The following POLA2 variants were observed in gnomAD, a reference collection of about 807,000 sequenced individuals.
POLA2 encodes the protein DNA polymerase alpha 2, accessory subunit, also known as DNA polymerase alpha subunit B.
In POLA2, 47 loss-of-function variants were observed where a neutral mutation model predicts 82.8. That is an observed-to-expected ratio of 0.57 (90% CI 0.45 to 0.72). The LOEUF (loss-of-function observed/expected upper bound fraction) is 0.72. POLA2 is among the 30% of genes least tolerant of loss of function. The probability of loss-of-function intolerance (pLI) is 0.00; values close to 1 mark genes in which losing one functional copy is unlikely to be tolerated. For missense variants in POLA2, 634 were observed against 728.1 expected, an observed-to-expected ratio of 0.87 and a Z score of 1.49; for synonymous variants, 287 against 286.8, an observed-to-expected ratio of 1.00 and a Z score of -0.01.
At position 65,276,015 on chromosome 11, in the gene POLA2, A is replaced by G. The variant is rs926935851; in HGVS notation, c.461+17A>G. On this transcript the variant is annotated intron_variant, in intron 5 of 17. Transcript: ENST00000265465. ...CTCTCCAAGGTATGGATCATAATTC[A>G]TTCAAGTGCCATAAAGCTGGCCTCC... The G allele has an allele frequency of 6.8e-7, 1 of 1,480,402 alleles. No individual in the cohort carries two copies. The highest frequency in any genetic ancestry group is 9.3e-7 in the Non-Finnish European group (1 of 1,075,348). The allele number at this position is 1,480,402 out of a possible 1,614,324, so 91.7% of individuals were successfully genotyped here.
At position 65,295,871 on chromosome 11, in the gene POLA2, C is replaced by T; in HGVS notation, c.1528C>T (p.Pro510Ser). The T allele has an allele frequency of 6.2e-7, 1 of 1,611,550 alleles. No homozygotes were observed. Among genetic ancestry groups the T allele is most frequent in the Non-Finnish European group, 8.5e-7 (1 of 1,177,824 alleles). ...TTCTCTCTGTCTCTGTAGCTACTACCCACTCTACCCGCCCCAAGAAGACAT... is the reference window on the plus strand; with the variant it reads ...TTCTCTCTGTCTCTGTAGCTACTACTCACTCTACCCGCCCCAAGAAGACAT... ...KHILTQRSYYPLYPPQEDMAI... is the reference protein window; with the variant it reads ...KHILTQRSYYSLYPPQEDMAI... Residue 510 changes from proline (P) to serine (S), a missense_variant, in exon 17 of 18, where the codon CCA becomes TCA. By Grantham distance (74) the Pro-to-Ser change is moderately conservative (BLOSUM62 -1). Transcript: ENST00000265465.
chr11:65,281,000 C>T lies in POLA2; in HGVS notation c.753C>T (p.Val251=), dbSNP rs1438494592. ...TGACCTTCCTTTGGTAGGAGCCTGT[C>T]ACTCTGCTGGGCCAGATTGGCTGTG... ...TPLLAPAQEP[V]TLLGQIGCDS... The change falls in exon 8 of 18, where the codon GTC becomes GTT. Residue 251 remains valine, a synonymous_variant. Transcript: ENST00000265465. 4.3e-6 allele frequency: 7 copies of T among 1,613,584 alleles called. No homozygotes were observed. The African/African-American group carries it at 8.0e-5, about 18-fold the overall frequency.
intron 4 of POLA2, among the ~76,000 whole-genome samples, chr11:65,271,274 G>A (rs927287980): frequency 6.6e-6 from 1 of 152,162 alleles, no homozygotes; most frequent in African/African-American, 2.4e-5. Context: ...CTGAATAAGG[G>A]AGTGTGGTTG....
In POLA2 at chr11:65,297,422, A is replaced by G; in HGVS notation, c.*153A>G. ...GCTGCAGTGACCAGGCCCAGCAGGG[A>G]GGACTTGTGCAGCCGGGCCTGCCTC... On this transcript the variant is annotated 3_prime_UTR_variant, in exon 18 of 18. Coordinates refer to ENST00000265465, the MANE Select transcript of POLA2 (RefSeq NM_002689.4). The G allele has an allele frequency of 1.2e-6, 1 of 844,828 alleles. No homozygotes were observed. Among genetic ancestry groups the G allele is most frequent in the Non-Finnish European group, 1.7e-6 (1 of 587,990 alleles). The allele number at this position is 844,828 out of a possible 1,614,324, so 52.3% of individuals were successfully genotyped here.
chr11:65,301,540 G>T (rs1038263714), downstream of POLA2, among the ~76,000 whole-genome samples: 1 of 152,122 alleles, frequency 6.6e-6, no homozygotes, highest in Non-Finnish European at 1.5e-5. Flanking sequence ...AGACATGGGC[G>T]TTGGAGGGGT....
Position 65,275,920 on chromosome 11 carries a change from C to G in POLA2, c.383C>G (p.Pro128Arg), listed in dbSNP as rs756681528. Reference protein sequence around the residue: ...KGSQKRAISTPETPLTKRSVS... With the variant: ...KGSQKRAISTRETPLTKRSVS... ...TCTCAGAAGCGAGCTATCTCTACCCCAGAAACCCCCCTAACAAAAAGGAGT... is the reference window on the plus strand; with the variant it reads ...TCTCAGAAGCGAGCTATCTCTACCCGAGAAACCCCCCTAACAAAAAGGAGT... The change falls in exon 5 of 18, where the codon CCA becomes CGA. Residue 128 changes from proline (P) to arginine (R), a missense_variant. Pro to Arg is a moderately radical substitution (Grantham distance 103). Coordinates refer to ENST00000265465, the MANE Select transcript of POLA2 (RefSeq NM_002689.4). 1.6e-5 allele frequency: 26 copies of G among 1,608,376 alleles called. No individual in the cohort carries two copies. In the South Asian group the frequency reaches 2.5e-4, roughly 15 times the overall value.
chr11:65,281,786 T>G (rs544704156), intron 9 of POLA2, 54 bp downstream of exon 9: 72 of 1,374,870 alleles, frequency 5.2e-5, no homozygotes, highest in Admixed American at 3.0e-4. Context: ...AAAGTATGTC[T>G]GGAAGCTGTC....
intron 9 of POLA2, 107 bp downstream of exon 9, chr11:65,281,839 A>C: frequency 2.2e-6 from 2 of 899,946 alleles, no homozygotes; most frequent in South Asian, 2.7e-5. Context: ...TTTATTTGTT[A>C]GTCAGTTCTC....
chr11:65,282,451 C>T (rs753934765), intron 9 of POLA2, 28 bp from the exon 10 acceptor site: 2 of 1,610,560 alleles, frequency 1.2e-6, no homozygotes, highest in East Asian at 2.2e-5. Context: ...GGCGCAAGAC[C>T]TTACTTGAGC....
intron 1 of POLA2, among the ~76,000 whole-genome samples, chr11:65,264,664 C>A (rs765667829): frequency 6.6e-6 from 1 of 152,224 alleles, no homozygotes; most frequent in Non-Finnish European, 1.5e-5. Context: ...TGACCCATAT[C>A]TGTGGCATAT....
At chr11:65,293,289 G>A (rs1949774150) in intron 13 of POLA2, among the ~76,000 whole-genome samples, 1 of 152,088 alleles carries the variant, frequency 6.6e-6, no homozygotes, top group South Asian at 2.1e-4. Flanking sequence ...TGTTCAGTCA[G>A]TCAGAGGGTT....
At chr11:65,282,065 A>C (rs1057212777) in intron 9 of POLA2, among the ~76,000 whole-genome samples, 4 of 152,198 alleles carry the variant, frequency 2.6e-5, no homozygotes, top group Non-Finnish European at 5.9e-5. Context: ...CTGCAGCCAA[A>C]TTTGGCCCAG....
chr11:65,285,376 C>A (rs1427736177), intron 10 of POLA2, among the ~76,000 whole-genome samples: 1 of 151,632 alleles, frequency 6.6e-6, no homozygotes, highest in East Asian at 1.9e-4. Context: ...GAACTCCAGC[C>A]TGGCGACAGA....
At chr11:65,263,237 T>A (rs1422980846) in intron 1 of POLA2, among the ~76,000 whole-genome samples, 1 of 150,500 alleles carries the variant, frequency 6.6e-6, no homozygotes, top group Non-Finnish European at 1.5e-5. Context: ...TTTTTTTTTT[T>A]TTTTGACAGT....
chr11:65,295,876 C>A lies in POLA2; in HGVS notation c.1533C>A (p.Leu511=). The A allele has an allele frequency of 1.2e-6, 2 of 1,612,896 alleles. No individual in the cohort carries two copies. Among genetic ancestry groups the A allele is most frequent in the African/African-American group, 1.3e-5 (1 of 75,040 alleles). ...TCTGTCTCTGTAGCTACTACCCACT[C>A]TACCCGCCCCAAGAAGACATGGCCA... ...HILTQRSYYP[L]YPPQEDMAID... Residue 511 remains leucine (L), a synonymous_variant, in exon 17 of 18, where the codon CTC becomes CTA. Coordinates refer to ENST00000265465, the MANE Select transcript of POLA2 (RefSeq NM_002689.4).
Position 65,295,573 on chromosome 11 carries a change from A to G in POLA2, c.1494A>G (p.Ile498Met). The part of the protein sequence containing the change: ...SSGTSDRFSR[I>M]LKHILTQRSY... ...GAACTTCAGACAGATTCAGCCGAATACTCAAGCACATCTTGACCCAGAGGA... is the reference window on the plus strand; with the variant it reads ...GAACTTCAGACAGATTCAGCCGAATGCTCAAGCACATCTTGACCCAGAGGA... Residue 498 changes from isoleucine (I) to methionine (M), a missense_variant, in exon 16 of 18, where the codon ATA becomes ATG. Coordinates refer to ENST00000265465, the MANE Select transcript of POLA2 (RefSeq NM_002689.4). 1 of 1,613,984 alleles carries G rather than the reference A, an allele frequency of 6.2e-7. No homozygotes were observed. The highest frequency in any genetic ancestry group is 8.5e-7 in the Non-Finnish European group (1 of 1,179,958).
At chr11:65,290,714 G>C (rs529605738) in intron 13 of POLA2, among the ~76,000 whole-genome samples, 35 of 152,280 alleles carry the variant, frequency 2.3e-4, no homozygotes, top group African/African-American at 8.4e-4. Context: ...TCTATACTTA[G>C]TTCCTTTTCT....
At chr11:65,303,303 C>T (rs1436162241), downstream of POLA2, among the ~76,000 whole-genome samples, 2 of 147,430 alleles carry the variant, frequency 1.4e-5, no homozygotes, top group African/African-American at 5.1e-5. Flanking sequence ...GATCGCACCA[C>T]TGCACTCCAG....
In POLA2 at chr11:65,294,256, A is replaced by G. The variant is rs775118371; in HGVS notation, c.1348A>G (p.Lys450Glu). ...FSYSDLSRED[K>E]KQVQFVSEPC... Reference sequence around the variant, plus strand: ...CTACTCCGATCTGTCTCGAGAGGACAAAAAGGTAGCAGCACCCACTCCTTG... The same window carrying G: ...CTACTCCGATCTGTCTCGAGAGGACGAAAAGGTAGCAGCACCCACTCCTTG... The change falls in exon 14 of 18, where the codon AAA (lysine) becomes GAA (glutamate). Residue 450 changes from lysine (K) to glutamate (E), a missense_variant. Transcript: ENST00000265465. The G allele has an allele frequency of 6.2e-7, 1 of 1,612,350 alleles. No homozygotes were observed. The highest frequency in any genetic ancestry group is 1.3e-5 in the African/African-American group (1 of 74,894).
Sources: gnomAD v4.1 joint callset for allele counts (sites outside exome capture counted in the v4.1 genomes callset) on GRCh38, gnomAD v4.1.1 for gene constraint, MANE v1.5 for transcripts, NCBI Gene and HGNC (gene_info 2026-07-23, HGNC 2026-07-21) for gene names.